The following LACTBL1 variants were observed in gnomAD, a reference collection of about 807,000 sequenced individuals.
The protein encoded by LACTBL1 is lactamase beta like 1.
LACTBL1 carries 29 observed loss-of-function variants against 39.6 expected under a neutral mutation model. The ratio of observed to expected loss-of-function variants is 0.73; its 90% CI spans 0.55 to 1.00. The LOEUF (loss-of-function observed/expected upper bound fraction) is 1.00. Among genes scored for constraint, LACTBL1 ranks in the 50% least tolerant of loss-of-function variants. The pLI is 0.00. For missense variants in LACTBL1, 711 were observed against 748.5 expected (o/e 0.95, Z 0.59); for synonymous variants, 361 against 360.7 (o/e 1.00, Z -0.01).
chr1:22,956,063 C>CAAAAAAAA (rs10582369), intron 4 of LACTBL1, among the ~76,000 whole-genome samples: 1 of 76,596 alleles, frequency 1.3e-5, no homozygotes, highest in African/African-American at 5.8e-5. Flanking sequence ...AACTCCATCT[C>CAAAAAAAA]AAAAAAAAAA....
the LACTBL1 span, chr1:22,972,405 G>A: frequency 1.0e-6 from 1 of 985,228 alleles, no homozygotes; most frequent in Non-Finnish European, 1.2e-6. Context: ...AGTCAGAGGA[G>A]TGAAGGCAAA....
At chr1:22,961,657 C>T (rs553198443) in intron 2 of LACTBL1, among the ~76,000 whole-genome samples, 1 of 152,092 alleles carries the variant, frequency 6.6e-6, no homozygotes, top group Non-Finnish European at 1.5e-5. Flanking sequence ...AGCCACCGCA[C>T]CTGGCCCCTA....
At chr1:22,954,134 C>G (rs1255388882) in intron 5 of LACTBL1, 110 bp from the exon 8 acceptor site, 12 of 1,440,888 alleles carry the variant, frequency 8.3e-6, no homozygotes, top group Non-Finnish European at 1.1e-5. Context: ...GAACCTGCTC[C>G]CCTGCATCCC....
upstream of LACTBL1, among the ~76,000 whole-genome samples, chr1:22,967,679 A>G (rs905842638): frequency 1.3e-5 from 2 of 151,808 alleles, no homozygotes; most frequent in South Asian, 2.1e-4. Flanking sequence ...AGACAGACTT[A>G]TAATGTAATG....
exon 3 of LACTBL1, chr1:22,959,986 G>T: frequency 6.4e-7 from 1 of 1,551,148 alleles, no homozygotes; most frequent in Non-Finnish European, 8.7e-7. Flanking sequence ...CCGGGTCTGA[G>T]CCATTCTTCT....
chr1:22,971,082 C>T, the LACTBL1 span, among the ~76,000 whole-genome samples: 3 of 152,190 alleles, frequency 2.0e-5, no homozygotes, highest in Non-Finnish European at 2.9e-5. Context: ...TATCCCCTAA[C>T]TGGCACCTAA....
exon 3 of LACTBL1, chr1:22,960,068 G>A (rs1239689425): frequency 1.3e-6 from 2 of 1,550,672 alleles, no homozygotes; most frequent in Non-Finnish European, 1.7e-6. Flanking sequence ...CACGCCTGGG[G>A]CAGACATTGC....
chr1:22,957,901 C>T (rs894794147), intron 4 of LACTBL1, among the ~76,000 whole-genome samples: 2 of 152,114 alleles, frequency 1.3e-5, no homozygotes, highest in Non-Finnish European at 2.9e-5. Flanking sequence ...GTCCGCCCGC[C>T]TCAACCTTCC....
exon 6 of LACTBL1, chr1:22,954,004 G>C: frequency 2.6e-6 from 4 of 1,540,410 alleles, no homozygotes; most frequent in South Asian, 1.2e-5. Flanking sequence ...GAGCGAGAAG[G>C]CCAGCGTGCT....
At chr1:22,970,265 CT>C (rs1447149877), upstream of LACTBL1, among the ~76,000 whole-genome samples, 1 of 152,178 alleles carries the variant, frequency 6.6e-6, no homozygotes, top group Non-Finnish European at 1.5e-5. Context: ...GGGAATACTA[CT>C]CAGCAATGTA....
At chr1:22,953,252 C>A in exon 6 of LACTBL1, 3 of 1,231,782 alleles carry the variant, frequency 2.4e-6, no homozygotes, top group East Asian at 3.2e-5. Flanking sequence ...AAGACGCGGC[C>A]GTGCAGGTGG....
intron 5 of LACTBL1, among the ~76,000 whole-genome samples, chr1:22,954,406 G>A (rs1310447307): frequency 2.6e-5 from 4 of 152,192 alleles, no homozygotes; most frequent in Non-Finnish European, 5.9e-5. Flanking sequence ...GACCATGTAT[G>A]AGGCAAGGTC....
intron 5 of LACTBL1, among the ~76,000 whole-genome samples, chr1:22,955,112 A>G (rs1216775406): frequency 1.3e-5 from 2 of 152,280 alleles, no homozygotes; most frequent in East Asian, 3.9e-4. Context: ...AATGGAAAAA[A>G]CATTCCATTC....
At chr1:22,970,830 A>C in the LACTBL1 span, among the ~76,000 whole-genome samples, 2 of 151,328 alleles carry the variant, frequency 1.3e-5, no homozygotes, top group Admixed American at 1.3e-4. Flanking sequence ...AAAAAAAACA[A>C]CTCTTAGAAC....
chr1:22,957,042 G>A (rs1640768504), intron 4 of LACTBL1, among the ~76,000 whole-genome samples: 1 of 151,652 alleles, frequency 6.6e-6, no homozygotes, highest in Non-Finnish European at 1.5e-5. Context: ...TATATAATAT[G>A]TACATTACAC....
chr1:22,953,544 A>G, exon 6 of LACTBL1: 1 of 1,247,872 alleles, frequency 8.0e-7, no homozygotes, highest in Non-Finnish European at 1.0e-6. Context: ...CCAGGCCCAG[A>G]CGCAGCGGGG....
chr1:22,960,030 T>C, exon 3 of LACTBL1: 1 of 1,550,944 alleles, frequency 6.4e-7, no homozygotes, highest in Non-Finnish European at 8.7e-7. Context: ...ACAGTATCAT[T>C]GTGGATGACA....
At chr1:22,960,167 C>A in intron 2 of LACTBL1, 68 bp from the exon 5 acceptor site, 1 of 1,519,306 alleles carries the variant, frequency 6.6e-7, no homozygotes, top group Non-Finnish European at 8.9e-7. Flanking sequence ...ATCTGCAAAG[C>A]CACCCTCGTC....
intron 1 of LACTBL1, 34 bp downstream of exon 3, chr1:22,965,256 A>G (rs1285918780): frequency 7.7e-7 from 1 of 1,305,286 alleles, no homozygotes; most frequent in Non-Finnish European, 9.8e-7. Flanking sequence ...CCAGGGGGCT[A>G]TGGGGAGGAA....
Sources: gnomAD v4.1 joint callset for allele counts (sites outside exome capture counted in the v4.1 genomes callset) on GRCh38, gnomAD v4.1.1 for gene constraint, MANE v1.5 for transcripts, NCBI Gene and HGNC (gene_info 2026-07-23, HGNC 2026-07-21) for gene names.